The following ZDHHC2 variants were observed in gnomAD, a reference collection of about 807,000 sequenced individuals.
The protein encoded by ZDHHC2 is zDHHC palmitoyltransferase 2, also known as palmitoyltransferase ZDHHC2.
ZDHHC2 carries 51 observed loss-of-function variants against 55.6 expected under a neutral mutation model. That is an observed-to-expected ratio of 0.92 (90% confidence interval 0.73 to 1.16). The LOEUF (loss-of-function observed/expected upper bound fraction) is 1.16. Among genes scored for constraint, ZDHHC2 ranks in the 50% most tolerant of loss-of-function variants. ZDHHC2 has a pLI of 0.00. For synonymous variants in ZDHHC2, 199 were observed against 152.9 expected, an observed-to-expected ratio of 1.30 and a Z score of -2.22; for missense variants, 491 against 442.4, an observed-to-expected ratio of 1.11 and a Z score of -0.99.
intron 1 of ZDHHC2, among the ~76,000 whole-genome samples, chr8:17,174,076 T>C (rs1357714135): frequency 6.6e-6 from 1 of 150,990 alleles, no homozygotes; most frequent in Non-Finnish European, 1.5e-5. Flanking sequence ...TTGTGCTCTA[T>C]TCTTTTTCTT....
chr8:17,209,801 A>C, intron 8 of ZDHHC2, 131 bp from the exon 9 acceptor site: 1 of 1,032,422 alleles, frequency 9.7e-7, no homozygotes, highest in Non-Finnish European at 1.3e-6. Flanking sequence ...GTTGACAGGC[A>C]CATAAGCCCT....
chr8:17,209,816 G>A, intron 8 of ZDHHC2, 116 bp from the exon 9 acceptor site: 1 of 1,256,556 alleles, frequency 8.0e-7, no homozygotes, highest in Non-Finnish European at 1.1e-6. Flanking sequence ...AGCCCTCACA[G>A]TCAGCTAGCC....
intron 6 of ZDHHC2, among the ~76,000 whole-genome samples, chr8:17,201,781 C>T (rs567738846): frequency 6.6e-6 from 1 of 151,902 alleles, no homozygotes. Flanking sequence ...CAGGCATGAG[C>T]CAACGCGCCC....
Position 17,184,517 on chromosome 8 carries a change from C to T in ZDHHC2, c.131-272C>T, listed in dbSNP as rs139358663. Among the ~76,000 whole-genome samples the T allele has an allele frequency of 7.2e-5, 11 of 152,298 alleles. No homozygotes were observed. In the South Asian group the frequency reaches 1.5e-3, roughly 20 times the overall value. ...AACCAAATGATACAGAAATAAGACC[C>T]GCAAGGGGCACACTTGACAAGTTTT... On this transcript the variant is annotated intron_variant, in intron 1 of 12. Transcript: ENST00000262096.
chr8:17,211,212 C>T (rs1319610675), intron 10 of ZDHHC2, among the ~76,000 whole-genome samples: 1 of 152,114 alleles, frequency 6.6e-6, no homozygotes, highest in Non-Finnish European at 1.5e-5. Context: ...AGTTTTTATA[C>T]CTTTGTGACA....
chr8:17,198,100 A>C (rs540623986), intron 5 of ZDHHC2, among the ~76,000 whole-genome samples: 5 of 152,164 alleles, frequency 3.3e-5, no homozygotes, highest in Non-Finnish European at 2.9e-5. Flanking sequence ...CTTTAGCCTA[A>C]GATAGTTGTA....
Position 17,210,402 on chromosome 8 carries a change from GCTC to G in ZDHHC2, c.875_877del (p.Ser292del), listed in dbSNP as rs757827159. 6.2e-7 allele frequency: 1 copy of G among 1,613,112 alleles called. No homozygotes were observed. Among genetic ancestry groups the G allele is most frequent in the Non-Finnish European group, 8.5e-7 (1 of 1,179,500 alleles). On this transcript the variant is annotated inframe_deletion, in exon 10 of 13. Coordinates refer to ENST00000262096, the MANE Select transcript of ZDHHC2 (RefSeq NM_016353.5). ...TTTAATTCTAGTCTAGGTGATGGCT[GCTC>G]CTTTCCAACTTGCCTTGTTAACCAG...
At chr8:17,209,843 T>C (rs2150944090) in intron 8 of ZDHHC2, 89 bp from the exon 9 acceptor site, 1 of 1,413,516 alleles carries the variant, frequency 7.1e-7, no homozygotes, top group Non-Finnish European at 9.3e-7. Flanking sequence ...TTTCAGAGTT[T>C]CTTCATTTAC....
At chr8:17,163,991 T>G (rs1053978953) in intron 1 of ZDHHC2, among the ~76,000 whole-genome samples, 1 of 152,216 alleles carries the variant, frequency 6.6e-6, no homozygotes, top group African/African-American at 2.4e-5. Flanking sequence ...TGATTGTTGT[T>G]TCAATCAAAT....
intron 1 of ZDHHC2, among the ~76,000 whole-genome samples, chr8:17,169,256 A>G (rs1219391343): frequency 1.5e-5 from 2 of 137,516 alleles, no homozygotes; most frequent in African/African-American, 5.5e-5. Flanking sequence ...TTTTTTTACC[A>G]TCTTGCCATT....
intron 1 of ZDHHC2, among the ~76,000 whole-genome samples, chr8:17,173,378 A>G (rs906296212): frequency 6.6e-6 from 1 of 152,206 alleles, no homozygotes; most frequent in Non-Finnish European, 1.5e-5. Context: ...ATCAACATTC[A>G]AAGAATTGAG....
chr8:17,188,307 T>C (rs1414968694), intron 3 of ZDHHC2, among the ~76,000 whole-genome samples: 1 of 152,062 alleles, frequency 6.6e-6, no homozygotes, highest in Non-Finnish European at 1.5e-5. Flanking sequence ...GCCTTCCCTC[T>C]ACTGCTTGTA....
chr8:17,197,088 T>A (rs1194777494), intron 4 of ZDHHC2, among the ~76,000 whole-genome samples: 1 of 152,218 alleles, frequency 6.6e-6, no homozygotes, highest in Non-Finnish European at 1.5e-5. Flanking sequence ...ATTTACCCTG[T>A]AAGGCTAAAC....
Position 17,223,811 on chromosome 8 carries a change from T to C in ZDHHC2, c.*3590T>C, listed in dbSNP as rs182519253. 23 of 151,932 alleles carry C rather than the reference T, an allele frequency of 1.5e-4. No individual in the cohort carries two copies. In the East Asian group the frequency reaches 4.4e-3, roughly 29 times the overall value. The allele number at this position is 151,932 out of a possible 1,614,324, so 9.4% of individuals were successfully genotyped here. ...TTATTTTGTTACAGAACACAGGAAATTGTTAAACCTTATAATGTTGCAAAC... is the reference window on the plus strand; with the variant it reads ...TTATTTTGTTACAGAACACAGGAAACTGTTAAACCTTATAATGTTGCAAAC... On this transcript the variant is annotated 3_prime_UTR_variant, in exon 13 of 13. Coordinates refer to ENST00000262096, the MANE Select transcript of ZDHHC2 (RefSeq NM_016353.5).
At chr8:17,192,852 C>G (rs1484548302) in intron 3 of ZDHHC2, among the ~76,000 whole-genome samples, 1 of 152,174 alleles carries the variant, frequency 6.6e-6, no homozygotes, top group Non-Finnish European at 1.5e-5. Context: ...TCTAGTTTCC[C>G]CAGCAGCACT....
At chr8:17,206,932 A>G (rs1166896034) in intron 7 of ZDHHC2, among the ~76,000 whole-genome samples, 1 of 152,162 alleles carries the variant, frequency 6.6e-6, no homozygotes, top group African/African-American at 2.4e-5. Context: ...AAGCATAGAA[A>G]GACATGAGTG....
intron 1 of ZDHHC2, among the ~76,000 whole-genome samples, chr8:17,167,994 C>A (rs1205960739): frequency 6.6e-6 from 1 of 152,082 alleles, no homozygotes; most frequent in African/African-American, 2.4e-5. Flanking sequence ...TTAAAAAGAC[C>A]TTCTAACATG....
chr8:17,191,293 C>T (rs943599469), intron 3 of ZDHHC2, among the ~76,000 whole-genome samples: 2 of 152,120 alleles, frequency 1.3e-5, no homozygotes, highest in Non-Finnish European at 2.9e-5. Context: ...GATGGGGTTT[C>T]GCCATGTTGG....
intron 12 of ZDHHC2, among the ~76,000 whole-genome samples, chr8:17,219,875 C>T (rs549490953): frequency 3.3e-5 from 5 of 152,300 alleles, no homozygotes; most frequent in African/African-American, 1.2e-4. Flanking sequence ...GTTGCCACTC[C>T]TAAACTCCAT....
Sources: gnomAD v4.1 joint callset for allele counts (sites outside exome capture counted in the v4.1 genomes callset) on GRCh38, gnomAD v4.1.1 for gene constraint, MANE v1.5 for transcripts, NCBI Gene and HGNC (gene_info 2026-07-23, HGNC 2026-07-21) for gene names.